Variants in AK6 observed in about 807,000 individuals in gnomAD.
AK6 encodes adenylate kinase 6.
AK6 carries 24 observed loss-of-function variants against 23.7 expected under a neutral mutation model. The observed-to-expected ratio is 1.01, with a 90% CI of 0.73 to 1.43. AK6 has a LOEUF of 1.43. AK6 is among the 40% of genes most tolerant of loss of function. The pLI is 0.00. For synonymous variants in AK6, 73 were observed against 69.8 expected (o/e 1.05, Z -0.23); for missense variants, 191 against 199.1 (o/e 0.96, Z 0.24).
Position 69,365,346 on chromosome 5 carries a change from G to C in AK6, c.121+1157C>G, listed in dbSNP as rs1214701058. ...AGAAGTTGATGCCTTTTTCTGTAAA[G>C]ATTTCAGCCTATAGTTTGGAGCTGT... is the stretch of plus-strand genomic sequence containing the variant. On this transcript the variant is annotated intron_variant, in intron 2 of 4. Transcript: ENST00000380822. 2.5e-6 allele frequency: 4 copies of C among 1,614,118 alleles called. No homozygotes were observed. The Admixed American group carries it at 5.0e-5, about 20-fold the overall frequency.
chr5:69,365,635 C>A, intron 2 of AK6: 2 of 1,613,976 alleles, frequency 1.2e-6, no homozygotes, highest in Non-Finnish European at 1.7e-6. Flanking sequence ...TGATTTATAA[C>A]TCTTGGCTCA....
At chr5:69,369,017 A>G in intron 1 of AK6, 1 of 181,476 alleles carries the variant, frequency 5.5e-6, no homozygotes, top group Non-Finnish European at 1.1e-5. Context: ...CAAAGAAAAA[A>G]TAAAATACGG....
At chr5:69,364,336 A>T (rs1407547358) in intron 2 of AK6, among the ~76,000 whole-genome samples, 1 of 152,072 alleles carries the variant, frequency 6.6e-6, no homozygotes, top group Non-Finnish European at 1.5e-5. Context: ...ACCTGCAAAA[A>T]GAGACACTTA....
At chr5:69,365,297 C>G (rs576827210) in intron 2 of AK6, 7 of 1,614,082 alleles carry the variant, frequency 4.3e-6, no homozygotes, top group Admixed American at 3.3e-5. Flanking sequence ...CAACACTTAA[C>G]CGCGGGACTG....
chr5:69,368,395 T>A (rs1475338844), intron 1 of AK6, among the ~76,000 whole-genome samples: 2 of 152,284 alleles, frequency 1.3e-5, no homozygotes, highest in African/African-American at 4.8e-5. Flanking sequence ...AACGGTCACC[T>A]CAAGTCCACT....
Position 69,352,024 on chromosome 5 carries a change from T to G in AK6, c.*37A>C. On this transcript the variant is annotated 3_prime_UTR_variant, in exon 5 of 5. Coordinates refer to ENST00000380822, the MANE Select transcript of AK6 (RefSeq NM_016283.5). ...AATTTCTATGATGTCGGCAGAGATA[T>G]CAACAAGAGTGATTATTAAGTAGCT... The G allele has an allele frequency of 6.6e-7, 1 of 1,523,256 alleles. No individual in the cohort carries two copies. The highest frequency in any genetic ancestry group is 8.9e-7 in the Non-Finnish European group (1 of 1,128,480). The allele number at this position is 1,523,256 out of a possible 1,614,324, so 94.4% of individuals were successfully genotyped here.
intron 4 of AK6, among the ~76,000 whole-genome samples, chr5:69,355,176 A>G (rs1328759121): frequency 6.6e-6 from 1 of 152,208 alleles, no homozygotes; most frequent in African/African-American, 2.4e-5. Flanking sequence ...TCAGATTGTC[A>G]GTTGAGATAT....
chr5:69,368,702 T>C (rs1206195215), intron 1 of AK6: 4 of 152,234 alleles, frequency 2.6e-5, no homozygotes, highest in South Asian at 2.1e-4. Flanking sequence ...AAAATCTACA[T>C]GCATTAGATT....
chr5:69,357,563 A>C (rs1374167556), intron 2 of AK6, among the ~76,000 whole-genome samples: 1 of 152,210 alleles, frequency 6.6e-6, no homozygotes, highest in African/African-American at 2.4e-5. Context: ...AAAGGACTGA[A>C]ATGTAGATAA....
chr5:69,358,469 G>A (rs1179227238), intron 2 of AK6, among the ~76,000 whole-genome samples: 2 of 129,776 alleles, frequency 1.5e-5, no homozygotes, highest in African/African-American at 2.9e-5. Context: ...AGTGAGCTGA[G>A]ATCGCGCCAC....
intron 2 of AK6, chr5:69,365,736 A>C (rs774788136): frequency 6.5e-7 from 1 of 1,532,338 alleles, no homozygotes; most frequent in Admixed American, 2.1e-5. Flanking sequence ...GCCAGACTCC[A>C]TGATATCCGA....
intron 1 of AK6, among the ~76,000 whole-genome samples, chr5:69,367,516 A>AG (rs1762499726): frequency 6.6e-6 from 1 of 151,806 alleles, no homozygotes; most frequent in African/African-American, 2.4e-5. Flanking sequence ...AAAAAAAAAA[A>AG]AAAAAAATTA....
chr5:69,365,896 A>C (rs1762401690), intron 2 of AK6: 1 of 520,884 alleles, frequency 1.9e-6, no homozygotes, highest in South Asian at 6.8e-5. Context: ...ATGTTTTCTT[A>C]ATTTTAATGA....
intron 4 of AK6, among the ~76,000 whole-genome samples, chr5:69,352,483 C>A (rs1023570428): frequency 6.6e-6 from 1 of 151,928 alleles, no homozygotes; most frequent in African/African-American, 2.4e-5. Flanking sequence ...TTTCCCCCCC[C>A]CACAATTTGT....
intron 2 of AK6, among the ~76,000 whole-genome samples, chr5:69,359,009 G>C (rs1407855119): frequency 6.6e-6 from 1 of 151,826 alleles, no homozygotes; most frequent in Non-Finnish European, 1.5e-5. Flanking sequence ...CAGAGGCCGA[G>C]GTGGGAGGAT....
chr5:69,367,267 C>T (rs1186780014), intron 1 of AK6, among the ~76,000 whole-genome samples: 1 of 151,606 alleles, frequency 6.6e-6, no homozygotes, highest in Non-Finnish European at 1.5e-5. Context: ...AATCACCGCA[C>T]TTTGGGAGGC....
At chr5:69,358,517 C>CAAAAAAAAAAA (rs5868577) in intron 2 of AK6, among the ~76,000 whole-genome samples, 1 of 54,172 alleles carries the variant, frequency 1.8e-5, no homozygotes, top group African/African-American at 8.8e-5. Context: ...GACTCTGTCT[C>CAAAAAAAAAAA]AAAAAAAAAA....
Position 69,355,946 on chromosome 5 carries a change from C to T in AK6, c.129G>A (p.Leu43=). 2 of 1,604,428 alleles carry T rather than the reference C, an allele frequency of 1.2e-6. No homozygotes were observed. Among genetic ancestry groups the T allele is most frequent in the Non-Finnish European group, 8.5e-7 (1 of 1,177,388 alleles). ...CATACTCTTCATCATAGCCATCATA[C>T]AATTGCTCTAAAAGAGATTTAGAAT... is the stretch of plus-strand genomic sequence containing the variant. ...NVGDLAREEQ[L]YDGYDEEYDC... is the part of the protein sequence containing the mutation. Residue 43 remains leucine, a synonymous_variant, in exon 3 of 5, where the codon TTG becomes TTA. Transcript: ENST00000380822.
intron 2 of AK6, among the ~76,000 whole-genome samples, chr5:69,356,949 G>C (rs1762098428): frequency 6.6e-6 from 1 of 152,114 alleles, no homozygotes; most frequent in East Asian, 1.9e-4. Flanking sequence ...ATTCTTTCAG[G>C]AGGTAAGACA....
Sources: allele counts gnomAD v4.1 joint callset (sites outside exome capture counted in the v4.1 genomes callset), GRCh38; gene constraint gnomAD v4.1.1; transcripts MANE v1.5; gene names NCBI Gene and HGNC (gene_info 2026-07-23, HGNC 2026-07-21).